LEPR: variants seen among roughly 807,000 people sequenced by gnomAD.
LEPR encodes leptin receptor, also known as OB receptor.
Under a neutral mutation model 114.7 loss-of-function variants are expected in LEPR, and 56 were observed. The observed-to-expected ratio is 0.49, with a 90% CI of 0.39 to 0.61. LEPR has a LOEUF of 0.61. LEPR is among the 20% of genes least tolerant of loss of function. LEPR has a pLI of 0.00. For missense variants in LEPR, 1,202 were observed against 1,352.9 expected, an observed-to-expected ratio of 0.89 and a Z score of 1.75; for synonymous variants, 443 against 461.4, an observed-to-expected ratio of 0.96 and a Z score of 0.51.
At chr1:65,617,683 G>T (rs1028171187) in intron 15 of LEPR, among the ~76,000 whole-genome samples, 2 of 152,212 alleles carry the variant, frequency 1.3e-5, no homozygotes, top group Non-Finnish European at 1.5e-5. Context: ...TAATAGGCTT[G>T]TGCAGTATTC....
chr1:65,580,156 T>G (rs1388717573), intron 5 of LEPR, among the ~76,000 whole-genome samples: 1 of 152,222 alleles, frequency 6.6e-6, no homozygotes, highest in Non-Finnish European at 1.5e-5. Flanking sequence ...GCACCAACTA[T>G]CACATGCTGT....
intron 2 of LEPR, among the ~76,000 whole-genome samples, chr1:65,451,327 G>C (rs1300529334): frequency 2.6e-5 from 4 of 152,074 alleles, no homozygotes; most frequent in Non-Finnish European, 5.9e-5. Context: ...ATTGCTCTTG[G>C]TGTTTTAGAC....
intron 2 of LEPR, among the ~76,000 whole-genome samples, chr1:65,554,428 A>G (rs1451234040): frequency 6.6e-6 from 1 of 152,170 alleles, no homozygotes; most frequent in East Asian, 1.9e-4. Flanking sequence ...GGAGGAATCT[A>G]GAGAGGCAGT....
chr1:65,449,684 C>CT lies in LEPR; in HGVS notation c.-21+24320dup, dbSNP rs370512340. 7.7e-3 allele frequency among the ~76,000 whole-genome samples: 1,080 copies of CT among 139,856 alleles called. 13 individuals are homozygous for CT. The highest frequency in any genetic ancestry group is 0.022 in the African/African-American group (836 of 38,384). 91.8% of individuals were successfully genotyped at this position (139,856 alleles called of 152,430 possible). A position where few individuals can be genotyped will look rare whatever the true frequency, so the allele number is the denominator to read the frequency against. On this transcript the variant is annotated intron_variant, in intron 2 of 19. Transcript: ENST00000349533. ...ATCTCCATGTCCAGGGCCTATTTATCTTTTTTTTTTTTTTAAATAGCTTTT... is the reference window on the plus strand; with the variant it reads ...ATCTCCATGTCCAGGGCCTATTTATCTTTTTTTTTTTTTTTAAATAGCTTTT...
At chr1:65,591,682 C>T (rs981992443) in intron 5 of LEPR, among the ~76,000 whole-genome samples, 7 of 151,748 alleles carry the variant, frequency 4.6e-5, no homozygotes, top group South Asian at 2.1e-4. Context: ...TATATCTTTT[C>T]CCGTTCATTT....
At chr1:65,513,840 A>G (rs1257947187) in intron 2 of LEPR, among the ~76,000 whole-genome samples, 6 of 152,232 alleles carry the variant, frequency 3.9e-5, no homozygotes, top group Non-Finnish European at 8.8e-5. Context: ...TTATTTCTCA[A>G]GATTTATTCC....
chr1:65,505,228 T>C (rs897804334), intron 2 of LEPR, among the ~76,000 whole-genome samples: 1 of 152,202 alleles, frequency 6.6e-6, no homozygotes, highest in Non-Finnish European at 1.5e-5. Flanking sequence ...GAGCACCACT[T>C]GATGTTACAC....
chr1:65,635,103 T>C, intron 19 of LEPR: 1 of 910,000 alleles, frequency 1.1e-6, no homozygotes, highest in Non-Finnish European at 1.3e-6. Flanking sequence ...TTGTATTGTA[T>C]ATGGAATATG....
In LEPR at chr1:65,425,377, G is replaced by A. The variant is rs1329462375; in HGVS notation, c.-22G>A. 1.3e-6 allele frequency: 2 copies of A among 1,596,216 alleles called. No homozygotes were observed. Among genetic ancestry groups the A allele is most frequent in the Non-Finnish European group, 8.5e-7 (1 of 1,174,932 alleles). ...GCTGGGATGTGCCTTAGAGGATTATGGGTAAGTTATCATTTCAAAAAGAAC... is the reference window on the plus strand; with the variant it reads ...GCTGGGATGTGCCTTAGAGGATTATAGGTAAGTTATCATTTCAAAAAGAAC... On this transcript the variant is annotated splice_region_variant and 5_prime_UTR_variant, in exon 2 of 20. The change abolishes an upstream ATG in the 5' untranslated region. Transcript: ENST00000349533.
chr1:65,618,899 A>C (rs1408944147), intron 16 of LEPR, among the ~76,000 whole-genome samples: 1 of 152,176 alleles, frequency 6.6e-6, no homozygotes, highest in Non-Finnish European at 1.5e-5. Flanking sequence ...ACTGTGTACC[A>C]ACTTATAATG....
intron 6 of LEPR, among the ~76,000 whole-genome samples, chr1:65,595,158 A>G (rs779365522): frequency 6.3e-5 from 8 of 126,356 alleles, no homozygotes; most frequent in South Asian, 2.6e-4. Context: ...ATTATTGGTT[A>G]CAAGAGCTTG....
chr1:65,608,667 C>G (rs1656979393), intron 11 of LEPR, 86 bp from the exon 12 acceptor site: 1 of 1,406,904 alleles, frequency 7.1e-7, no homozygotes, highest in South Asian at 1.3e-5. Flanking sequence ...TTGATGAATA[C>G]AGATGTATGA....
At chr1:65,614,228 A>G (rs1346477528) in intron 14 of LEPR, among the ~76,000 whole-genome samples, 1 of 152,236 alleles carries the variant, frequency 6.6e-6, no homozygotes, top group Non-Finnish European at 1.5e-5. Context: ...ACGATTCTGT[A>G]TACTTCTGAA....
intron 19 of LEPR, 94 bp from the exon 20 acceptor site, chr1:65,636,097 T>A: frequency 7.2e-7 from 1 of 1,395,182 alleles, no homozygotes; most frequent in Non-Finnish European, 1.0e-6. Context: ...TGTTCTTTAT[T>A]ATTAACTTAA....
intron 2 of LEPR, among the ~76,000 whole-genome samples, chr1:65,528,049 G>A (rs1391266996): frequency 6.6e-6 from 1 of 151,674 alleles, no homozygotes; most frequent in Non-Finnish European, 1.5e-5. Flanking sequence ...GCAATTTACT[G>A]AGAAAAAAGT....
chr1:65,618,634 TTC>T (rs1363859503), intron 16 of LEPR, among the ~76,000 whole-genome samples: 1 of 152,194 alleles, frequency 6.6e-6, no homozygotes, highest in Non-Finnish European at 1.5e-5. Flanking sequence ...CCCAGCCTAA[TTC>T]TGTTTCCTTT....
intron 4 of LEPR, among the ~76,000 whole-genome samples, chr1:65,571,822 T>G (rs1436054834): frequency 1.2e-5 from 1 of 83,568 alleles, no homozygotes; most frequent in African/African-American, 4.6e-5. Context: ...AAAAAAAAAT[T>G]AACTGGGCAT....
chr1:65,478,921 A>T (rs986969787), intron 2 of LEPR, among the ~76,000 whole-genome samples: 2 of 152,196 alleles, frequency 1.3e-5, no homozygotes. Context: ...AGAAGAAAAA[A>T]ATCACACCCT....
At chr1:65,574,346 A>G (rs1654423402) in intron 5 of LEPR, among the ~76,000 whole-genome samples, 1 of 152,252 alleles carries the variant, frequency 6.6e-6, no homozygotes, top group Non-Finnish European at 1.5e-5. Context: ...ATGTATACAT[A>G]TGTAACAAAC....
Sources: gnomAD v4.1 joint callset for allele counts (sites outside exome capture counted in the v4.1 genomes callset) on GRCh38, gnomAD v4.1.1 for gene constraint, MANE v1.5 for transcripts, NCBI Gene and HGNC (gene_info 2026-07-23, HGNC 2026-07-21) for gene names.